Variants in SBF2 observed in about 807,000 individuals in gnomAD.
The protein encoded by SBF2 is SET binding factor 2.
A neutral mutation model predicts 225.2 loss-of-function variants in SBF2; 112 were observed. The ratio of observed to expected loss-of-function variants is 0.50; its 90% CI spans 0.43 to 0.58. The LOEUF is 0.58. Ranked by LOEUF, SBF2 falls within the 20% of genes least tolerant of loss-of-function variation. The probability of loss-of-function intolerance (pLI) is 0.00; values close to 1 mark genes in which losing one functional copy is unlikely to be tolerated. For synonymous variants in SBF2, 763 were observed against 773.3 expected (o/e 0.99, Z 0.22); for missense variants, 1,996 against 2,206.2 (o/e 0.90, Z 1.91).
intron 2 of SBF2, among the ~76,000 whole-genome samples, chr11:10,090,483 C>A (rs186851370): frequency 6.6e-6 from 1 of 151,998 alleles, no homozygotes; most frequent in African/African-American, 2.4e-5. Flanking sequence ...AACTATTAGA[C>A]GCTGGGCGCA....
chr11:10,292,134 G>C (rs1233944029), intron 1 of SBF2, among the ~76,000 whole-genome samples: 1 of 152,230 alleles, frequency 6.6e-6, no homozygotes, highest in Non-Finnish European at 1.5e-5. Context: ...CCTTTTGCCA[G>C]TAAAGAGATT....
At chr11:10,151,789 A>G (rs1316536080) in intron 2 of SBF2, among the ~76,000 whole-genome samples, 1 of 152,184 alleles carries the variant, frequency 6.6e-6, no homozygotes, top group Non-Finnish European at 1.5e-5. Flanking sequence ...ATTTTTGCCC[A>G]TCTTCCTCTT....
chr11:10,150,024 T>TC (rs1565287632), intron 2 of SBF2, among the ~76,000 whole-genome samples: 1 of 152,076 alleles, frequency 6.6e-6, no homozygotes, highest in Non-Finnish European at 1.5e-5. Context: ...CCCCACCTAA[T>TC]ACAAGAGGAA....
intron 6 of SBF2, among the ~76,000 whole-genome samples, chr11:10,023,901 T>C (rs991433026): frequency 6.6e-6 from 1 of 152,154 alleles, no homozygotes; most frequent in Non-Finnish European, 1.5e-5. Context: ...TTTTGACTTA[T>C]GTACATACTT....
chr11:10,255,603 G>A (rs534479817), intron 1 of SBF2, among the ~76,000 whole-genome samples: 1 of 152,294 alleles, frequency 6.6e-6, no homozygotes, highest in South Asian at 2.1e-4. Flanking sequence ...TCCTAGTGCA[G>A]CTGCATCAAT....
chr11:10,135,039 T>C (rs1954280065), intron 2 of SBF2, among the ~76,000 whole-genome samples: 1 of 152,226 alleles, frequency 6.6e-6, no homozygotes, highest in African/African-American at 2.4e-5. Context: ...CATCCAGGCA[T>C]TTCCACACAT....
chr11:10,118,788 T>C (rs16907471), intron 2 of SBF2, among the ~76,000 whole-genome samples: 10,307 of 151,988 alleles, frequency 0.068, 527 homozygotes, highest in East Asian at 0.28. Context: ...AGTAAGAACA[T>C]TAGAAAATCT....
At position 9,992,344 on chromosome 11, in the gene SBF2, GTTACTTT is replaced by G. The variant is rs1325615909; in HGVS notation, c.1296+64_1296+70del. 7.2e-6 allele frequency: 9 copies of G among 1,255,750 alleles called. No homozygotes were observed. In the East Asian group the frequency reaches 2.1e-4, roughly 29 times the overall value. The allele number at this position is 1,255,750 out of a possible 1,614,324, so 77.8% of individuals were successfully genotyped here. A position where few individuals can be genotyped will look rare whatever the true frequency, so the allele number is the denominator to read the frequency against. On this transcript the variant is annotated intron_variant, in intron 12 of 39. Coordinates refer to ENST00000256190, the MANE Select transcript of SBF2 (RefSeq NM_030962.4). The stretch of plus-strand genomic sequence containing the variant: ...ATTTGACTATATAAATATGGAAAAT[GTTACTTT>G]TTACTTTTAACTACTAGTCTAATTA...
chr11:10,298,233 A>C (rs2133651927), upstream of SBF2, among the ~76,000 whole-genome samples: 1 of 152,244 alleles, frequency 6.6e-6, no homozygotes, highest in East Asian at 1.9e-4. Context: ...TCTACTAAAA[A>C]CACAAAAATT....
chr11:9,823,255 T>TA (rs537746703), intron 28 of SBF2, among the ~76,000 whole-genome samples: 145 of 152,206 alleles, frequency 9.5e-4, no homozygotes, highest in Non-Finnish European at 1.6e-3. Flanking sequence ...GATTCTTAGG[T>TA]AAAAAAGGAT....
chr11:10,067,253 C>T (rs1009029024), intron 2 of SBF2, among the ~76,000 whole-genome samples: 3 of 152,156 alleles, frequency 2.0e-5, no homozygotes, highest in African/African-American at 7.2e-5. Context: ...GAAGGGCTGG[C>T]CAACTTGATA....
chr11:10,223,895 G>A (rs1345400986), intron 1 of SBF2, among the ~76,000 whole-genome samples: 1 of 152,024 alleles, frequency 6.6e-6, no homozygotes, highest in African/African-American at 2.4e-5. Flanking sequence ...ATAGCAACAG[G>A]AGGCAGCTAC....
chr11:9,842,477 C>T (rs551885882), intron 25 of SBF2, 148 bp downstream of exon 25: 491 of 725,622 alleles, frequency 6.8e-4, no homozygotes, highest in South Asian at 1.2e-3. Context: ...AATATTTTTC[C>T]CCCAGTTCTA....
At chr11:10,071,902 A>G (rs1950895979) in intron 2 of SBF2, among the ~76,000 whole-genome samples, 1 of 152,152 alleles carries the variant, frequency 6.6e-6, no homozygotes, top group Non-Finnish European at 1.5e-5. Context: ...GTTTGCCAGT[A>G]TTTTATTGAG....
chr11:9,985,277 G>A (rs959934959), intron 13 of SBF2, among the ~76,000 whole-genome samples: 7 of 152,092 alleles, frequency 4.6e-5, no homozygotes, highest in Non-Finnish European at 8.8e-5. Context: ...TCATGCAAAT[G>A]AACACCAGAA....
At chr11:10,098,956 A>T (rs1002358747) in intron 2 of SBF2, among the ~76,000 whole-genome samples, 1 of 152,120 alleles carries the variant, frequency 6.6e-6, no homozygotes, top group Non-Finnish European at 1.5e-5. Context: ...GAAAAAGAAG[A>T]CAAAAAGGAT....
intron 32 of SBF2, among the ~76,000 whole-genome samples, chr11:9,803,661 T>C (rs915852322): frequency 6.6e-6 from 1 of 152,172 alleles, no homozygotes; most frequent in Non-Finnish European, 1.5e-5. Flanking sequence ...ATTCTGCAAG[T>C]TGAACATAGA....
At chr11:9,848,158 A>T (rs1381050133) in intron 22 of SBF2, among the ~76,000 whole-genome samples, 1 of 152,182 alleles carries the variant, frequency 6.6e-6, no homozygotes, top group African/African-American at 2.4e-5. Context: ...TTCATTTATT[A>T]TAATCAGAAT....
intron 2 of SBF2, among the ~76,000 whole-genome samples, chr11:10,171,628 G>A (rs1343223682): frequency 6.6e-6 from 1 of 152,096 alleles, no homozygotes; most frequent in African/African-American, 2.4e-5. Context: ...CCTGGTTTTG[G>A]CATCATAGTA....
Sources: allele counts gnomAD v4.1 joint callset (sites outside exome capture counted in the v4.1 genomes callset), GRCh38; gene constraint gnomAD v4.1.1; transcripts MANE v1.5; gene names NCBI Gene and HGNC (gene_info 2026-07-23, HGNC 2026-07-21).